The following CLTRN variants were observed in gnomAD, a reference collection of about 807,000 sequenced individuals.
CLTRN encodes the protein collectrin, amino acid transport regulator, also known as collectrin.
Under a neutral mutation model 14.5 loss-of-function variants are expected in CLTRN, and 12 were observed. That is an observed-to-expected ratio of 0.83 (90% CI 0.53 to 1.34). The LOEUF (loss-of-function observed/expected upper bound fraction) is 1.34, where lower values mean the gene tolerates loss of function less well. Among genes scored for constraint, CLTRN ranks in the 40% most tolerant of loss-of-function variants. The probability of loss-of-function intolerance (pLI) is 0.00; values close to 1 mark genes in which losing one functional copy is unlikely to be tolerated. For missense variants in CLTRN, 154 were observed against 165.1 expected (o/e 0.93, Z 0.37); for synonymous variants, 58 against 56.5 (o/e 1.03, Z -0.12).
chrX:15,660,940 A>G (rs1022030577), intron 2 of CLTRN, among the ~76,000 whole-genome samples: 13 of 112,701 alleles, frequency 1.2e-4, no homozygotes, highest in Non-Finnish European at 2.1e-4. Context: ...TGCTCCTTCA[A>G]TGTTTTGATG....
intron 2 of CLTRN, among the ~76,000 whole-genome samples, chrX:15,660,409 C>T (rs59305994): frequency 0.031 from 3,458 of 110,530 alleles, 123 homozygotes; most frequent in African/African-American, 0.1. Context: ...CCTGCCTTGG[C>T]CTCTGTAACA....
chrX:15,659,177 C>CCTCT, intron 2 of CLTRN, 76 bp from the exon 3 acceptor site: 1 of 412,043 alleles, frequency 2.4e-6, no homozygotes, highest in Admixed American at 2.9e-5. Context: ...AGTGGCTCTC[C>CCTCT]CTCTCTCTCT....
At chrX:15,629,223 G>A (rs990477955) in intron 5 of CLTRN, among the ~76,000 whole-genome samples, 7 of 110,961 alleles carry the variant, frequency 6.3e-5, no homozygotes, top group Non-Finnish European at 1.3e-4. Context: ...TCATCTGGCT[G>A]AGATGTTGGG....
At chrX:15,667,345 A>T (rs1929641588), upstream of CLTRN, among the ~76,000 whole-genome samples, 1 of 112,699 alleles carries the variant, frequency 8.9e-6, no homozygotes, top group African/African-American at 3.2e-5. Flanking sequence ...GCTTTTACTT[A>T]GTCATTGATG....
upstream of CLTRN, among the ~76,000 whole-genome samples, chrX:15,665,849 T>C (rs973722029): frequency 8.9e-6 from 1 of 112,015 alleles, no homozygotes; most frequent in African/African-American, 3.3e-5. Flanking sequence ...GAACTGAGGC[T>C]CCAGCGTTGA....
chrX:15,672,460 G>T (rs1929736297), intron 1 of CLTRN, among the ~76,000 whole-genome samples: 1 of 95,574 alleles, frequency 1.0e-5, no homozygotes, highest in Non-Finnish European at 2.0e-5. Flanking sequence ...AGGTCACCTA[G>T]TCACATTTAG....
intron 3 of CLTRN, among the ~76,000 whole-genome samples, chrX:15,649,714 C>T (rs191605043): frequency 4.5e-5 from 5 of 110,722 alleles, no homozygotes; most frequent in Admixed American, 9.6e-5. Context: ...ATAGATATAA[C>T]CCCCATACAG....
chrX:15,629,092 T>C (rs1928631697), intron 5 of CLTRN, among the ~76,000 whole-genome samples: 1 of 111,893 alleles, frequency 8.9e-6, no homozygotes, highest in South Asian at 3.8e-4. Context: ...GGTTGGATGT[T>C]GGAGCACCAC....
intron 2 of CLTRN, among the ~76,000 whole-genome samples, chrX:15,663,738 G>C (rs1411265443): frequency 1.8e-5 from 2 of 112,185 alleles, no homozygotes; most frequent in African/African-American, 6.5e-5. Context: ...ACCACACTAG[G>C]AAACTGAAAC....
At chrX:15,664,684 T>C (rs1054162452) in intron 1 of CLTRN, 34 bp downstream of exon 1, 2 of 1,123,207 alleles carry the variant, frequency 1.8e-6, no homozygotes, top group Non-Finnish European at 2.4e-6. Context: ...TGTAGAAAAC[T>C]GTTCATCTAT....
rs1033072105 is a variant in CLTRN, at chrX:15,671,866, A to T, written c.-506+3123T>A. On this transcript the variant is annotated intron_variant, in intron 1 of 6. Transcript: ENST00000650271. ...CGCGCACACACACACACACACACAC[A>T]CACACACACACACACACAATTTCCA... 4.9e-3 allele frequency among the ~76,000 whole-genome samples: 457 copies of T among 92,446 alleles called. 1 individual carries two copies. The highest frequency in any genetic ancestry group is 7.6e-3 in the Non-Finnish European group (347 of 45,379). The allele number at this position is 92,446 out of a possible 115,157, so 80.3% of individuals were successfully genotyped here. A position where few individuals can be genotyped will look rare whatever the true frequency, so the allele number is the denominator to read the frequency against.
chrX:15,673,187 A>C (rs1362024348), intron 1 of CLTRN, among the ~76,000 whole-genome samples: 5 of 112,903 alleles, frequency 4.4e-5, no homozygotes, highest in Non-Finnish European at 1.9e-5. Context: ...TCAAAAGCAA[A>C]CAAAATCCTG....
chrX:15,675,349 G>C (rs370268807), upstream of CLTRN, among the ~76,000 whole-genome samples: 1 of 110,946 alleles, frequency 9.0e-6, no homozygotes, highest in South Asian at 3.8e-4. Flanking sequence ...GCGGAGTAGT[G>C]ACCGGCAAGG....
rs1395311416 is a variant in CLTRN, at chrX:15,658,479, G to A, written c.203+537C>T. On this transcript the variant is annotated intron_variant, in intron 3 of 5. Coordinates refer to ENST00000380342, the MANE Select transcript of CLTRN (RefSeq NM_020665.6). ...AGGGAGGAGTGAAGAAGGGAATAGA[G>A]AAAGACCAGGAATGTTACCCTCATC... Among the ~76,000 whole-genome samples, 8 of 112,063 alleles carry A rather than the reference G, an allele frequency of 7.1e-5. No homozygotes were observed. The South Asian group carries it at 2.2e-3, about 31-fold the overall frequency.
At chrX:15,650,376 A>G (rs1929187159) in intron 3 of CLTRN, among the ~76,000 whole-genome samples, 1 of 111,662 alleles carries the variant, frequency 9.0e-6, no homozygotes, top group Admixed American at 9.5e-5. Context: ...GCTTTTGACT[A>G]GCTTCATTGA....
At chrX:15,645,637 T>C (rs781002051) in intron 3 of CLTRN, among the ~76,000 whole-genome samples, 3 of 112,352 alleles carry the variant, frequency 2.7e-5, no homozygotes, top group Non-Finnish European at 5.6e-5. Flanking sequence ...CCAGCAGTCT[T>C]TGAACTCTTT....
intron 5 of CLTRN, 72 bp downstream of exon 5, chrX:15,639,490 C>A: frequency 1.0e-6 from 1 of 975,067 alleles, no homozygotes; most frequent in Non-Finnish European, 1.4e-6. Context: ...AGAGGAAAAT[C>A]CTCTCCTGAT....
intron 3 of CLTRN, chrX:15,646,467 C>CG: frequency 3.9e-6 from 1 of 253,704 alleles, no homozygotes; most frequent in South Asian, 3.8e-5. Flanking sequence ...CACCCACCCC[C>CG]CCGCCCGACC....
chrX:15,652,910 G>A (rs371609534), intron 3 of CLTRN, among the ~76,000 whole-genome samples: 2 of 110,854 alleles, frequency 1.8e-5, no homozygotes, highest in East Asian at 2.8e-4. Context: ...GTGAAACCCC[G>A]TCTCTACTAA....
Sources: gnomAD v4.1 joint callset for allele counts (sites outside exome capture counted in the v4.1 genomes callset) on GRCh38, gnomAD v4.1.1 for gene constraint, MANE v1.5 for transcripts, NCBI Gene and HGNC (gene_info 2026-07-23, HGNC 2026-07-21) for gene names.